The following PRORP variants were observed in gnomAD, a reference collection of about 807,000 sequenced individuals.
PRORP encodes mitochondrial ribonuclease P catalytic subunit.
PRORP carries 51 observed loss-of-function variants against 59.4 expected under a neutral mutation model. That is an observed-to-expected ratio of 0.86 (90% CI 0.69 to 1.08). The LOEUF is 1.08. Among genes scored for constraint, PRORP ranks in the 50% least tolerant of loss-of-function variants. PRORP has a pLI of 0.00. For missense variants in PRORP, 646 were observed against 690.3 expected (o/e 0.94, Z 0.72); for synonymous variants, 231 against 245.6 (o/e 0.94, Z 0.55).
chr14:35,178,992 A>C (rs1273935365), intron 4 of PRORP, among the ~76,000 whole-genome samples: 1 of 152,076 alleles, frequency 6.6e-6, no homozygotes, highest in Non-Finnish European at 1.5e-5. Flanking sequence ...TTTCTCCTCC[A>C]CTTATGAAGC....
chr14:35,224,323 TTTTATTTAGCAAATA>T (rs1303148627), intron 5 of PRORP, among the ~76,000 whole-genome samples: 1 of 152,222 alleles, frequency 6.6e-6, no homozygotes, highest in Non-Finnish European at 1.5e-5. Context: ...CAAGGACAGA[TTTTATTTAGCAAATA>T]TTCATTTAGA....
chr14:35,208,099 G>A (rs1220681077), intron 5 of PRORP, among the ~76,000 whole-genome samples: 4 of 151,590 alleles, frequency 2.6e-5, no homozygotes, highest in African/African-American at 4.9e-5. Flanking sequence ...GCAGTGAGCC[G>A]AGATCGTGCT....
rs950802817 is a variant in PRORP at position 35,220,412 on chromosome 14, G to C, written c.1275+39635G>C. On this transcript the variant is annotated intron_variant, in intron 5 of 7. Coordinates refer to ENST00000534898, the MANE Select transcript of PRORP (RefSeq NM_014672.4). ...TGCACAGTTAATAGGGGTTAAGAAA[G>C]ACTAGTCCCATGATTCTCAGGTTGA... Among the ~76,000 whole-genome samples the C allele has an allele frequency of 3.9e-5, 6 of 152,270 alleles. No individual in the cohort carries two copies. In the East Asian group the frequency reaches 7.7e-4, roughly 20 times the overall value.
intron 5 of PRORP, among the ~76,000 whole-genome samples, chr14:35,211,580 A>G (rs542196546): frequency 6.6e-6 from 1 of 152,366 alleles, no homozygotes; most frequent in Admixed American, 6.5e-5. Flanking sequence ...TTGGTCTCCC[A>G]GTGCATATAA....
intron 4 of PRORP, 119 bp from the exon 5 acceptor site, chr14:35,180,551 T>TGTGTGTGTGTGTGTGTGTG: frequency 1.6e-6 from 1 of 621,264 alleles, no homozygotes; most frequent in Non-Finnish European, 2.8e-6. Context: ...TGTGTGTGTG[T>TGTGTGTGTGTGTGTGTGTG]ATTTTTAAGG....
At chr14:35,219,828 T>C (rs2049725052) in intron 5 of PRORP, among the ~76,000 whole-genome samples, 1 of 152,234 alleles carries the variant, frequency 6.6e-6, no homozygotes, top group South Asian at 2.1e-4. Context: ...TAGCTTTCCA[T>C]GTGGTAGCTT....
chr14:35,151,924 G>A (rs1253109884), intron 4 of PRORP, among the ~76,000 whole-genome samples: 1 of 135,100 alleles, frequency 7.4e-6, no homozygotes, highest in South Asian at 2.4e-4. Context: ...TTTTTTTTTT[G>A]TTAATCCATC....
chr14:35,209,090 C>A (rs1652331637), intron 5 of PRORP, among the ~76,000 whole-genome samples: 1 of 152,000 alleles, frequency 6.6e-6, no homozygotes, highest in African/African-American at 2.4e-5. Flanking sequence ...GACATGCTCA[C>A]TTGAACCCAG....
At chr14:35,122,036 C>T, upstream of PRORP, 1 of 1,527,086 alleles carries the variant, frequency 6.5e-7, no homozygotes, top group East Asian at 2.3e-5. Context: ...GCGTCAGCAC[C>T]GCCAGGCCCC....
At chr14:35,206,840 T>C (rs994619462) in intron 5 of PRORP, among the ~76,000 whole-genome samples, 5 of 152,254 alleles carry the variant, frequency 3.3e-5, no homozygotes, top group Non-Finnish European at 5.9e-5. Flanking sequence ...ATTTCCATAT[T>C]AAGATGCATA....
chr14:35,274,748 CA>C lies in PRORP; in HGVS notation c.*1185del, dbSNP rs1210819512. ...TTTCTTCATTCTATAATCTCTTTTC[CA>C]AATTGGTTCAACATTTTGTGAACAC... On this transcript the variant is annotated 3_prime_UTR_variant, in exon 8 of 8. Coordinates refer to ENST00000534898, the MANE Select transcript of PRORP (RefSeq NM_014672.4). The C allele has an allele frequency of 7.2e-5, 11 of 152,324 alleles. No homozygotes were observed. The highest frequency in any genetic ancestry group is 4.6e-4 in the Admixed American group (7 of 15,296). 9.4% of individuals were successfully genotyped at this position (152,324 alleles called of 1,614,324 possible).
At chr14:35,196,683 A>G (rs1421733017) in intron 5 of PRORP, among the ~76,000 whole-genome samples, 2 of 152,026 alleles carry the variant, frequency 1.3e-5, no homozygotes, top group Non-Finnish European at 2.9e-5. Context: ...TTTTCTTACT[A>G]TTCATTTTTC....
intron 4 of PRORP, among the ~76,000 whole-genome samples, chr14:35,147,696 T>C (rs1025661696): frequency 1.3e-5 from 2 of 152,246 alleles, no homozygotes; most frequent in African/African-American, 4.8e-5. Context: ...ACTCTTCTTA[T>C]CACAAAATAT....
intron 4 of PRORP, among the ~76,000 whole-genome samples, chr14:35,138,962 T>C (rs2047427987): frequency 6.9e-6 from 1 of 144,908 alleles, no homozygotes; most frequent in Non-Finnish European, 1.5e-5. Context: ...GGCTAATTTT[T>C]GTATTTTTTG....
At chr14:35,238,277 A>G (rs1055937755) in intron 5 of PRORP, among the ~76,000 whole-genome samples, 3 of 152,212 alleles carry the variant, frequency 2.0e-5, no homozygotes, top group Non-Finnish European at 4.4e-5. Context: ...CCGCACTATC[A>G]TGCCCTGTGG....
chr14:35,276,494 G>C lies in PRORP; in HGVS notation c.*2928G>C, dbSNP rs2051295619. The C allele has an allele frequency of 6.6e-6, 1 of 151,846 alleles. No homozygotes were observed. The allele number at this position is 151,846 out of a possible 1,614,324, so 9.4% of individuals were successfully genotyped here. ...ATAAACTGAAGTGCATCTGTCCCTT[G>C]TCCAGGAGTGGGGAACCATTGTAGG... On this transcript the variant is annotated 3_prime_UTR_variant, in exon 8 of 8. Transcript: ENST00000534898.
chr14:35,270,399 A>G lies in PRORP; in HGVS notation c.1425-2A>G, dbSNP rs1468570541. On this transcript the variant is annotated splice_acceptor_variant, in intron 6 of 7. Transcript: ENST00000534898. LOFTEE classifies it high-confidence loss of function. ...TTGTGTCCTTTCTTATGCCTGGTTCAGCTCGGAGGATGATCCATTCCTTCT... is the reference window on the plus strand; with the variant it reads ...TTGTGTCCTTTCTTATGCCTGGTTCGGCTCGGAGGATGATCCATTCCTTCT... The G allele has an allele frequency of 1.9e-6, 3 of 1,612,364 alleles. No homozygotes were observed. Among genetic ancestry groups the G allele is most frequent in the Non-Finnish European group, 2.5e-6 (3 of 1,179,092 alleles).
intron 5 of PRORP, among the ~76,000 whole-genome samples, chr14:35,227,386 G>A (rs1266643488): frequency 6.6e-6 from 1 of 151,912 alleles, no homozygotes; most frequent in Non-Finnish European, 1.5e-5. Flanking sequence ...AGAGCTTGCA[G>A]TGAGCTGAGA....
intron 6 of PRORP, 76 bp from the exon 7 acceptor site, chr14:35,270,325 A>G: frequency 7.0e-7 from 1 of 1,421,556 alleles, no homozygotes; most frequent in Non-Finnish European, 9.7e-7. Flanking sequence ...GAAAGTAAGT[A>G]AAAAGTACGG....
Sources: gnomAD v4.1 joint callset for allele counts (sites outside exome capture counted in the v4.1 genomes callset) on GRCh38, gnomAD v4.1.1 for gene constraint, MANE v1.5 for transcripts, NCBI Gene and HGNC (gene_info 2026-07-23, HGNC 2026-07-21) for gene names.